The following LRP1B variants were observed in gnomAD, a reference collection of about 807,000 sequenced individuals.
LRP1B encodes the protein low-density lipoprotein receptor-related protein 1B.
Under a neutral mutation model 556.6 loss-of-function variants are expected in LRP1B, and 217 were observed. The ratio of observed to expected loss-of-function variants is 0.39; its 90% CI spans 0.35 to 0.44. The LOEUF is 0.44. Ranked by LOEUF, LRP1B falls within the 20% of genes least tolerant of loss-of-function variation. LRP1B has a pLI of 1.00. For synonymous variants in LRP1B, 2,047 were observed against 1,865.8 expected (o/e 1.10, Z -2.50); for missense variants, 5,053 against 5,620.8 (o/e 0.90, Z 3.23).
intron 2 of LRP1B, among the ~76,000 whole-genome samples, chr2:141,723,588 T>C (rs1361945170): frequency 6.6e-6 from 1 of 151,810 alleles, no homozygotes; most frequent in Non-Finnish European, 1.5e-5. Context: ...TATTTTGAGG[T>C]AACTGTATAT....
intron 7 of LRP1B, among the ~76,000 whole-genome samples, chr2:141,160,006 A>G (rs185321426): frequency 6.6e-6 from 1 of 152,096 alleles, no homozygotes; most frequent in Non-Finnish European, 1.5e-5. Flanking sequence ...GTGGGAGGTG[A>G]GGGGAGAGAA....
At chr2:140,884,176 C>G (rs1693562264) in intron 24 of LRP1B, among the ~76,000 whole-genome samples, 155 bp from the exon 25 acceptor site, 1 of 152,074 alleles carries the variant, frequency 6.6e-6, no homozygotes, top group Non-Finnish European at 1.5e-5. Flanking sequence ...CAGGTAAAAC[C>G]AAGTAGACTC....
At chr2:140,782,779 C>T (rs1689746294) in intron 32 of LRP1B, among the ~76,000 whole-genome samples, 1 of 152,150 alleles carries the variant, frequency 6.6e-6, no homozygotes, top group African/African-American at 2.4e-5. Context: ...TTACCAAGCA[C>T]TTACTAAGTT....
At chr2:141,625,606 T>C (rs1222270937) in intron 2 of LRP1B, among the ~76,000 whole-genome samples, 1 of 152,150 alleles carries the variant, frequency 6.6e-6, no homozygotes. Context: ...GCATAGTACG[T>C]GATCGACTTA....
intron 60 of LRP1B, among the ~76,000 whole-genome samples, chr2:140,466,207 A>C (rs1687543632): frequency 6.6e-6 from 1 of 150,388 alleles, no homozygotes; most frequent in African/African-American, 2.4e-5. Flanking sequence ...GTTTCGGAAT[A>C]TGTGAACACA....
chr2:141,895,891 G>A (rs2104923883), intron 1 of LRP1B, among the ~76,000 whole-genome samples: 1 of 152,126 alleles, frequency 6.6e-6, no homozygotes, highest in South Asian at 2.1e-4. Flanking sequence ...CAACTTAGGG[G>A]CATTGCTTTT....
chr2:141,954,253 T>C (rs1351327581), intron 1 of LRP1B, among the ~76,000 whole-genome samples: 1 of 152,144 alleles, frequency 6.6e-6, no homozygotes, highest in Non-Finnish European at 1.5e-5. Flanking sequence ...CCAGTGATTC[T>C]TGAGTACATT....
chr2:140,243,542 T>C (rs531923982), intron 87 of LRP1B, among the ~76,000 whole-genome samples: 2 of 151,278 alleles, frequency 1.3e-5, no homozygotes, highest in African/African-American at 2.4e-5. Flanking sequence ...TTTATAGATA[T>C]GTATAAATGT....
chr2:140,776,168 G>T lies in LRP1B; in HGVS notation c.5430C>A (p.Asn1810Lys). The T allele has an allele frequency of 6.3e-7, 1 of 1,598,322 alleles. No individual in the cohort carries two copies. The highest frequency in any genetic ancestry group is 8.5e-7 in the Non-Finnish European group (1 of 1,173,156). The change falls in exon 33 of 91, where the codon AAC (asparagine) becomes AAA (lysine). Residue 1810 changes from asparagine to lysine, a missense_variant. This residue lies in a region of LRP1B where 3,619 missense variants were observed against 3,931.9 expected (regional missense o/e 0.92). Coordinates refer to ENST00000389484, the MANE Select transcript of LRP1B (RefSeq NM_018557.3). ...AAGTCTTATTCCGTAGGATGGTGGGGTTTCTTCCGTCTCTTTTGCTGCAGG... is the reference window on the plus strand; with the variant it reads ...AAGTCTTATTCCGTAGGATGGTGGGTTTTCTTCCGTCTCTTTTGCTGCAGG... ...LGTCSKRDGR[N>K]PTILRNKTSG... is the part of the protein sequence containing the mutation.
chr2:140,384,604 T>A (rs1396347883), intron 67 of LRP1B, among the ~76,000 whole-genome samples: 2 of 152,224 alleles, frequency 1.3e-5, no homozygotes, highest in Non-Finnish European at 2.9e-5. Context: ...TCATGCTTAA[T>A]ATACTTCATT....
intron 82 of LRP1B, among the ~76,000 whole-genome samples, chr2:140,321,142 T>TA (rs1349636933): frequency 6.6e-6 from 1 of 152,136 alleles, no homozygotes; most frequent in Non-Finnish European, 1.5e-5. Flanking sequence ...CCATTATACC[T>TA]AATGTCTTGA....
chr2:141,636,935 A>G (rs1689126284), intron 2 of LRP1B, among the ~76,000 whole-genome samples: 1 of 152,170 alleles, frequency 6.6e-6, no homozygotes, highest in Non-Finnish European at 1.5e-5. Flanking sequence ...GCCTGGAAAA[A>G]TATATTCCAA....
rs75134986 is a variant in LRP1B, at chr2:140,952,114, A to T, written c.2888-174T>A. ...AACTTCTTGAGGACATAGGACACACATACTTTTAATATACTTTAAATGAGT... is the reference window on the plus strand; with the variant it reads ...AACTTCTTGAGGACATAGGACACACTTACTTTTAATATACTTTAAATGAGT... On this transcript the variant is annotated intron_variant, in intron 18 of 90. Coordinates refer to ENST00000389484, the MANE Select transcript of LRP1B (RefSeq NM_018557.3). Among the ~76,000 whole-genome samples the T allele has an allele frequency of 2.7e-4, 41 of 152,338 alleles. No homozygotes were observed. The East Asian group carries it at 7.7e-3, about 29-fold the overall frequency.
chr2:141,747,275 T>C (rs968660731), intron 2 of LRP1B, among the ~76,000 whole-genome samples: 8 of 152,186 alleles, frequency 5.3e-5, no homozygotes, highest in Admixed American at 1.3e-4. Flanking sequence ...CATATTACAC[T>C]GAAATGTTAA....
Position 141,806,570 on chromosome 2 carries a change from A to G in LRP1B, c.205+3709T>C, listed in dbSNP as rs1359056340. 4.6e-5 allele frequency among the ~76,000 whole-genome samples: 7 copies of G among 152,022 alleles called. No homozygotes were observed. In the East Asian group the frequency reaches 9.7e-4, roughly 21 times the overall value. ...ATGAAATCAGCTTATTTGTAAGTCA[A>G]CCTCACACAACAGTTTTCTATGTGT... On this transcript the variant is annotated intron_variant, in intron 2 of 90. Transcript: ENST00000389484.
At chr2:141,223,447 G>A (rs992206333) in intron 6 of LRP1B, among the ~76,000 whole-genome samples, 3 of 152,126 alleles carry the variant, frequency 2.0e-5, no homozygotes, top group Non-Finnish European at 2.9e-5. Context: ...TATGAAAATG[G>A]CCATACTGCC....
Position 140,502,030 on chromosome 2 carries a change from C to T in LRP1B, c.8663-156G>A, listed in dbSNP as rs567644601. On this transcript the variant is annotated intron_variant, in intron 54 of 90. Coordinates refer to ENST00000389484, the MANE Select transcript of LRP1B (RefSeq NM_018557.3). ...TACATATTCAGTATAATATCTTACA[C>T]CTAAAGTTCAGAAAACCAAGGGCAA... Among the ~76,000 whole-genome samples, 3 of 151,998 alleles carry T rather than the reference C, an allele frequency of 2.0e-5. No individual in the cohort carries two copies. The East Asian group carries it at 5.8e-4, about 29-fold the overall frequency.
intron 11 of LRP1B, among the ~76,000 whole-genome samples, chr2:141,024,016 G>A (rs1158267696): frequency 1.3e-5 from 2 of 151,958 alleles, no homozygotes; most frequent in African/African-American, 4.8e-5. Flanking sequence ...TCACCCTAGA[G>A]TCAGCACTTG....
intron 10 of LRP1B, 22 bp from the exon 11 acceptor site, chr2:141,049,244 C>A: frequency 6.9e-7 from 1 of 1,439,610 alleles, no homozygotes; most frequent in Non-Finnish European, 9.8e-7. Flanking sequence ...AGATTACAAA[C>A]ACAAACAACT....
Sources: allele counts gnomAD v4.1 joint callset (sites outside exome capture counted in the v4.1 genomes callset), GRCh38; gene constraint gnomAD v4.1.1; regional missense constraint gnomAD v4.1.1; transcripts MANE v1.5; gene names NCBI Gene and HGNC (gene_info 2026-07-23, HGNC 2026-07-21).